The following PCDHGA2 variants were observed in gnomAD, a reference collection of about 807,000 sequenced individuals.
PCDHGA2 encodes the protein protocadherin gamma subfamily A, 2.
In PCDHGA2, 40 loss-of-function variants were observed where a neutral mutation model predicts 59.2. The ratio of observed to expected loss-of-function variants is 0.68; its 90% CI spans 0.52 to 0.88. The LOEUF (loss-of-function observed/expected upper bound fraction) is 0.88. Ranked by LOEUF, PCDHGA2 falls within the 40% of genes least tolerant of loss-of-function variation. The pLI is 0.00. For missense variants in PCDHGA2, 1,226 were observed against 1,204.0 expected, an observed-to-expected ratio of 1.02 and a Z score of -0.27; for synonymous variants, 560 against 526.0, an observed-to-expected ratio of 1.06 and a Z score of -0.89.
intron 1 of PCDHGA2, chr5:141,414,532 C>T (rs747661760): frequency 1.9e-6 from 3 of 1,613,930 alleles, no homozygotes; most frequent in Admixed American, 3.3e-5. Flanking sequence ...CAATGACAAC[C>T]CACCTACCTT....
chr5:141,346,018 T>C, intron 1 of PCDHGA2: 1 of 1,613,424 alleles, frequency 6.2e-7, no homozygotes, highest in Non-Finnish European at 8.5e-7. Flanking sequence ...ACGCTCACCG[T>C]GGCCGTGGCC....
chr5:141,409,725 G>A (rs1416188591), intron 1 of PCDHGA2: 1 of 1,613,172 alleles, frequency 6.2e-7, no homozygotes, highest in Non-Finnish European at 8.5e-7. Context: ...GTGTCAGTGA[G>A]CGCGCAGAGC....
rs556656447 is a variant in PCDHGA2 at position 141,500,319 on chromosome 5, C to CT, written c.2484-5073dup. Among the ~76,000 whole-genome samples the CT allele has an allele frequency of 2.6e-5, 4 of 152,122 alleles. No homozygotes were observed. The South Asian group carries it at 8.3e-4, about 32-fold the overall frequency. Reference sequence around the variant, plus strand: ...CGCCTCCCAGGTTCACGCCATGCTCCTGCCTCAGCCTCCAGAATAGCTGGG... The same window carrying CT: ...CGCCTCCCAGGTTCACGCCATGCTCCTTGCCTCAGCCTCCAGAATAGCTGGG... On this transcript the variant is annotated intron_variant, in intron 2 of 3. Coordinates refer to ENST00000394576, the MANE Select transcript of PCDHGA2 (RefSeq NM_018915.4).
intron 1 of PCDHGA2, chr5:141,413,715 G>A (rs955570292): frequency 2.5e-6 from 4 of 1,613,472 alleles, no homozygotes; most frequent in Non-Finnish European, 3.4e-6. Context: ...GCCCCAATAA[G>A]CACTTCTCCC....
chr5:141,403,073 A>G (rs920382925), intron 1 of PCDHGA2: 4 of 1,614,056 alleles, frequency 2.5e-6, no homozygotes, highest in Non-Finnish European at 3.4e-6. Context: ...AGAGACAGAA[A>G]AGGGCTATAT....
At chr5:141,369,970 G>T (rs1204473207) in intron 1 of PCDHGA2, among the ~76,000 whole-genome samples, 5 of 152,088 alleles carry the variant, frequency 3.3e-5, no homozygotes, top group Non-Finnish European at 7.4e-5. Context: ...ACAAGTAAAA[G>T]GTACTTGATT....
In PCDHGA2 at chr5:141,339,653, A is replaced by C; in HGVS notation, c.682A>C (p.Ile228Leu). Residue 228 changes from isoleucine (I) to leucine (L), a missense_variant, in exon 1 of 4, where the codon ATC (isoleucine) becomes CTC (leucine). By Grantham distance (5) the Ile-to-Leu change is conservative (BLOSUM62 2). Coordinates refer to ENST00000394576, the MANE Select transcript of PCDHGA2 (RefSeq NM_018915.4). ...CCCAGTGCTATCTGGCACCTCCCGCATCTGCGTGAAGGTCCTGGATGCGAA... is the reference window on the plus strand; with the variant it reads ...CCCAGTGCTATCTGGCACCTCCCGCCTCTGCGTGAAGGTCCTGGATGCGAA... ...GDPVLSGTSR[I>L]CVKVLDANDN... The C allele has an allele frequency of 6.2e-7, 1 of 1,614,178 alleles. No homozygotes were observed. Among genetic ancestry groups the C allele is most frequent in the South Asian group, 1.1e-5 (1 of 91,078 alleles).
At chr5:141,366,029 C>G (rs766110369) in intron 1 of PCDHGA2, 1 of 1,614,260 alleles carries the variant, frequency 6.2e-7, no homozygotes, top group Admixed American at 1.7e-5. Flanking sequence ...GTACCCCGCC[C>G]TCCCCACAGA....
rs1206130340 is a variant in PCDHGA2, at chr5:141,473,814, G to A, written c.2425-20993G>A. On this transcript the variant is annotated intron_variant, in intron 1 of 3. Coordinates refer to ENST00000394576, the MANE Select transcript of PCDHGA2 (RefSeq NM_018915.4). ...GTATGATGCTACTGAGGAGCAGCTG[G>A]ACAATTGTGTGATCCAATTAAAATT... Among the ~76,000 whole-genome samples, 5 of 152,188 alleles carry A rather than the reference G, an allele frequency of 3.3e-5. No individual in the cohort carries two copies. The East Asian group carries it at 9.6e-4, about 29-fold the overall frequency.
intron 1 of PCDHGA2, chr5:141,417,710 T>C: frequency 8.0e-7 from 1 of 1,249,348 alleles, no homozygotes; most frequent in Non-Finnish European, 1.1e-6. Context: ...ACACAGAGGC[T>C]CCCGGCTGCG....
At chr5:141,496,262 C>G (rs934511905) in intron 2 of PCDHGA2, among the ~76,000 whole-genome samples, 3 of 152,158 alleles carry the variant, frequency 2.0e-5, no homozygotes, top group African/African-American at 7.2e-5. Flanking sequence ...GAAACTTCAG[C>G]AGAAAGACCT....
chr5:141,382,040 G>T, intron 1 of PCDHGA2, among the ~76,000 whole-genome samples: 1 of 151,758 alleles, frequency 6.6e-6, no homozygotes, highest in Admixed American at 6.6e-5. Flanking sequence ...TGTTGGTCAG[G>T]CTGGTCTCAA....
Position 141,339,609 on chromosome 5 carries a change from T to C in PCDHGA2, c.638T>C (p.Val213Ala), listed in dbSNP as rs138332940. ...EEEAVHHLVL[V>A]ASDGGDPVLS... ...GAGGCTGTTCACCACCTCGTTCTCG[T>C]GGCTTCTGATGGGGGTGACCCAGTG... Residue 213 changes from valine (V) to alanine (A), a missense_variant, in exon 1 of 4, where the codon GTG (valine) becomes GCG (alanine). Physicochemically the swap from Val to Ala is moderately conservative, Grantham distance 64. Transcript: ENST00000394576. 5 of 1,614,092 alleles carry C rather than the reference T, an allele frequency of 3.1e-6. No homozygotes were observed. The African/African-American group carries it at 4.0e-5, about 13-fold the overall frequency.
At chr5:141,456,215 C>T (rs1465130067) in intron 1 of PCDHGA2, among the ~76,000 whole-genome samples, 2 of 152,048 alleles carry the variant, frequency 1.3e-5, no homozygotes, top group African/African-American at 2.4e-5. Flanking sequence ...CTCCCTGTGG[C>T]GATATCAAAC....
At chr5:141,406,431 T>G (rs1316370664) in intron 1 of PCDHGA2, among the ~76,000 whole-genome samples, 3 of 152,352 alleles carry the variant, frequency 2.0e-5, no homozygotes, top group Non-Finnish European at 4.4e-5. Context: ...ATTTATTGCT[T>G]CTATTCTTCC....
At chr5:141,344,138 G>C in intron 1 of PCDHGA2, 3 of 1,614,026 alleles carry the variant, frequency 1.9e-6, no homozygotes, top group Non-Finnish European at 2.5e-6. Flanking sequence ...GCTACTCGGT[G>C]TCTGAGGAGC....
chr5:141,399,642 G>T lies in PCDHGA2; in HGVS notation c.2424+58247G>T. 1.9e-6 allele frequency: 3 copies of T among 1,613,750 alleles called. 1 individual carries two copies. Among genetic ancestry groups the T allele is most frequent in the Non-Finnish European group, 2.5e-6 (3 of 1,179,856 alleles). ...TGGCCTCTTACGTGTCCATGAGCGC[G>T]CAAAGTGGGGTGGTGTTCGCGCAGC... On this transcript the variant is annotated intron_variant, in intron 1 of 3. Transcript: ENST00000394576.
chr5:141,427,224 A>G (rs1269896138), intron 1 of PCDHGA2: 1 of 456,768 alleles, frequency 2.2e-6, no homozygotes, highest in East Asian at 6.9e-5. Context: ...TAGCAGTTAT[A>G]CCATGAGAGT....
chr5:141,398,689 G>T, intron 1 of PCDHGA2: 1 of 1,613,766 alleles, frequency 6.2e-7, no homozygotes, highest in Non-Finnish European at 8.5e-7. Context: ...GAAACAGGAT[G>T]GTAGTAAATA....
Sources: gnomAD v4.1 joint callset for allele counts (sites outside exome capture counted in the v4.1 genomes callset) on GRCh38, gnomAD v4.1.1 for gene constraint, MANE v1.5 for transcripts, NCBI Gene and HGNC (gene_info 2026-07-23, HGNC 2026-07-21) for gene names.